Variants in TNFAIP8 observed in about 807,000 individuals in gnomAD.
TNFAIP8 encodes tumor necrosis factor alpha-induced protein 8.
A neutral mutation model predicts 13.3 loss-of-function variants in TNFAIP8; 7 were observed. The observed-to-expected ratio is 0.52, with a 90% CI of 0.30 to 0.99. TNFAIP8 has a LOEUF of 0.99. TNFAIP8 is among the 50% of genes least tolerant of loss of function. The pLI is 0.07. For synonymous variants in TNFAIP8, 94 were observed against 87.6 expected, an observed-to-expected ratio of 1.07 and a Z score of -0.41; for missense variants, 258 against 236.9, an observed-to-expected ratio of 1.09 and a Z score of -0.58.
At chr5:119,281,306 A>ACACTCTCT in intron 1 of TNFAIP8, among the ~76,000 whole-genome samples, 2 of 114,134 alleles carry the variant, frequency 1.8e-5, no homozygotes, top group African/African-American at 6.1e-5. Flanking sequence ...ACACACACAC[A>ACACTCTCT]CTCTCTCTCT....
intron 1 of TNFAIP8, among the ~76,000 whole-genome samples, chr5:119,380,073 T>C (rs1424963893): frequency 6.6e-6 from 1 of 152,230 alleles, no homozygotes; most frequent in African/African-American, 2.4e-5. Flanking sequence ...TAAGAAGTAA[T>C]GGGCCTCAGC....
upstream of TNFAIP8, chr5:119,355,445 T>C: frequency 4.3e-6 from 3 of 693,946 alleles, no homozygotes; most frequent in Non-Finnish European, 7.9e-6. Flanking sequence ...CTGGGACTTG[T>C]GAAATTGTGC....
At chr5:119,319,544 G>T (rs1749993904) in intron 1 of TNFAIP8, among the ~76,000 whole-genome samples, 1 of 152,192 alleles carries the variant, frequency 6.6e-6, no homozygotes, top group South Asian at 2.1e-4. Flanking sequence ...GTACACACAT[G>T]TTGTGGGAGA....
At chr5:119,270,913 CT>C (rs1373394008) in intron 1 of TNFAIP8, among the ~76,000 whole-genome samples, 1 of 152,186 alleles carries the variant, frequency 6.6e-6, no homozygotes, top group Non-Finnish European at 1.5e-5. Context: ...TAAACACTTT[CT>C]TTAAGGGCAA....
intron 1 of TNFAIP8, among the ~76,000 whole-genome samples, chr5:119,389,128 T>A (rs1752796588): frequency 6.6e-6 from 1 of 152,148 alleles, no homozygotes; most frequent in Non-Finnish European, 1.5e-5. Flanking sequence ...GTATGGTGGA[T>A]GATCCCCAGG....
chr5:119,350,450 A>T (rs771771680), intron 1 of TNFAIP8, among the ~76,000 whole-genome samples: 26 of 152,224 alleles, frequency 1.7e-4, no homozygotes, highest in Non-Finnish European at 3.2e-4. Flanking sequence ...AATCTCCCAC[A>T]GATGCTGAGA....
At chr5:119,306,719 C>G (rs989757872) in intron 1 of TNFAIP8, 2 of 152,058 alleles carry the variant, frequency 1.3e-5, no homozygotes, top group East Asian at 1.9e-4. Context: ...ATACCCTGTC[C>G]CAGTGATTAT....
At chr5:119,379,280 G>A (rs192068405) in intron 1 of TNFAIP8, among the ~76,000 whole-genome samples, 230 of 152,186 alleles carry the variant, frequency 1.5e-3, no homozygotes, top group Non-Finnish European at 2.6e-3. Context: ...TGGAGGGCAC[G>A]TGTTAAGCAC....
chr5:119,290,983 G>A (rs1023972178), intron 1 of TNFAIP8, among the ~76,000 whole-genome samples: 3 of 152,092 alleles, frequency 2.0e-5, no homozygotes, highest in Non-Finnish European at 4.4e-5. Context: ...ATTAGTGATG[G>A]GTCTTTGAAG....
chr5:119,285,390 C>T (rs538379910), intron 1 of TNFAIP8, among the ~76,000 whole-genome samples: 1 of 152,228 alleles, frequency 6.6e-6, no homozygotes, highest in African/African-American at 2.4e-5. Flanking sequence ...GGGGTAGTAT[C>T]CTGGGTCCCT....
intron 1 of TNFAIP8, among the ~76,000 whole-genome samples, chr5:119,314,190 CAAACA>C (rs1474819095): frequency 1.3e-5 from 2 of 151,882 alleles, no homozygotes; most frequent in South Asian, 2.1e-4. Flanking sequence ...AACAAACAAA[CAAACA>C]AACAAACAAA....
At chr5:119,358,092 T>C (rs1305229737) in intron 1 of TNFAIP8, among the ~76,000 whole-genome samples, 6 of 136,774 alleles carry the variant, frequency 4.4e-5, no homozygotes, top group East Asian at 2.2e-4. Flanking sequence ...TTTCCTCTTA[T>C]ACGTAGCTTT....
At chr5:119,376,955 C>T (rs561240931) in intron 1 of TNFAIP8, among the ~76,000 whole-genome samples, 12 of 152,204 alleles carry the variant, frequency 7.9e-5, no homozygotes, top group Admixed American at 3.3e-4. Context: ...TTCCCCCTCC[C>T]ATACACACAT....
intron 1 of TNFAIP8, among the ~76,000 whole-genome samples, chr5:119,308,563 GTCTT>G (rs1304458558): frequency 1.3e-5 from 2 of 151,722 alleles, no homozygotes; most frequent in Non-Finnish European, 2.9e-5. Flanking sequence ...AGCTTTTTTG[GTCTT>G]TCTTAAGACC....
At chr5:119,338,612 C>G (rs1017198210) in intron 1 of TNFAIP8, among the ~76,000 whole-genome samples, 27 of 152,234 alleles carry the variant, frequency 1.8e-4, no homozygotes, top group Non-Finnish European at 4.4e-5. Context: ...CTCCTTCACT[C>G]ACTGTCCTTC....
intron 1 of TNFAIP8, among the ~76,000 whole-genome samples, chr5:119,274,212 GA>G (rs1162430581): frequency 6.6e-6 from 1 of 152,090 alleles, no homozygotes; most frequent in African/African-American, 2.4e-5. Flanking sequence ...AGTCTTCTGA[GA>G]AAAAAATGCA....
At chr5:119,320,034 G>A (rs1326175968) in intron 1 of TNFAIP8, among the ~76,000 whole-genome samples, 1 of 152,134 alleles carries the variant, frequency 6.6e-6, no homozygotes, top group Non-Finnish European at 1.5e-5. Context: ...TTGGTGGTGG[G>A]GTGGATGGAG....
chr5:119,284,707 A>G (rs998523533), intron 1 of TNFAIP8, among the ~76,000 whole-genome samples: 1 of 152,108 alleles, frequency 6.6e-6, no homozygotes, highest in African/African-American at 2.4e-5. Flanking sequence ...TCTGTAGCAT[A>G]AAAACATGAC....
chr5:119,327,567 T>A (rs1282921591), intron 1 of TNFAIP8, among the ~76,000 whole-genome samples: 4 of 152,128 alleles, frequency 2.6e-5, no homozygotes, highest in African/African-American at 9.7e-5. Flanking sequence ...CAAGCGATTC[T>A]CCTGCCTTAG....
Sources: allele counts gnomAD v4.1 joint callset (sites outside exome capture counted in the v4.1 genomes callset), GRCh38; gene constraint gnomAD v4.1.1; transcripts MANE v1.5; gene names NCBI Gene and HGNC (gene_info 2026-07-23, HGNC 2026-07-21).